The following GABRA3 variants were observed in gnomAD, a reference collection of about 807,000 sequenced individuals.
GABRA3 encodes the protein gamma-aminobutyric acid type A receptor subunit alpha3.
GABRA3 carries 10 observed loss-of-function variants against 30.1 expected under a neutral mutation model. That is an observed-to-expected ratio of 0.33 (90% CI 0.20 to 0.56). The LOEUF (loss-of-function observed/expected upper bound fraction) is 0.56, where lower values mean the gene tolerates loss of function less well. GABRA3 is among the 20% of genes least tolerant of loss of function. GABRA3 has a pLI of 0.89. For missense variants in GABRA3, 233 were observed against 392.0 expected (o/e 0.59, Z 3.42); for synonymous variants, 151 against 146.8 (o/e 1.03, Z -0.21).
intron 3 of GABRA3, among the ~76,000 whole-genome samples, chrX:152,343,555 T>C (rs1348534324): frequency 9.1e-6 from 1 of 110,164 alleles, no homozygotes; most frequent in Non-Finnish European, 1.9e-5. Context: ...AAGTTATCCC[T>C]TTCTCCTCCT....
At chrX:152,248,736 G>C (rs1306159555) in intron 5 of GABRA3, among the ~76,000 whole-genome samples, 2 of 111,505 alleles carry the variant, frequency 1.8e-5, no homozygotes, top group African/African-American at 6.5e-5. Context: ...GGAGTAATAA[G>C]TTCAAGTGAT....
intron 1 of GABRA3, among the ~76,000 whole-genome samples, chrX:152,417,196 C>T (rs1225176317): frequency 9.5e-6 from 1 of 105,502 alleles, no homozygotes; most frequent in Non-Finnish European, 1.9e-5. Flanking sequence ...ACAAACAACT[C>T]CATCAAAAAG....
intron 1 of GABRA3, among the ~76,000 whole-genome samples, chrX:152,368,701 C>CTTTTTTTTTTTTTTTT (rs59912352): frequency 6.1e-5 from 3 of 49,562 alleles, no homozygotes; most frequent in African/African-American, 8.2e-5. Flanking sequence ...AATTTTTTTT[C>CTTTTTTTTTTTTTTTT]TTTTTTTTTT....
At chrX:152,335,788 T>C (rs1401509768) in intron 3 of GABRA3, among the ~76,000 whole-genome samples, 1 of 110,896 alleles carries the variant, frequency 9.0e-6, no homozygotes, top group Non-Finnish European at 1.9e-5. Context: ...AGTGGCACAG[T>C]TATGGCTCAC....
chrX:152,191,223 T>A (rs1442549534), intron 8 of GABRA3, among the ~76,000 whole-genome samples: 1 of 110,881 alleles, frequency 9.0e-6, no homozygotes, highest in Non-Finnish European at 1.9e-5. Flanking sequence ...ATAATTATAA[T>A]AGTATAAGTA....
chrX:152,286,390 A>C (rs1191619330), intron 3 of GABRA3, among the ~76,000 whole-genome samples: 1 of 109,901 alleles, frequency 9.1e-6, no homozygotes, highest in African/African-American at 3.3e-5. Flanking sequence ...CAGACACCTC[A>C]AGATTACAGT....
chrX:152,219,872 T>C (rs1937799643), intron 6 of GABRA3, among the ~76,000 whole-genome samples: 1 of 108,699 alleles, frequency 9.2e-6, no homozygotes, highest in South Asian at 3.8e-4. Context: ...GTTCTTCTAA[T>C]ACATAACAAG....
At chrX:152,262,757 A>T (rs1439261476) in intron 4 of GABRA3, among the ~76,000 whole-genome samples, 1 of 111,079 alleles carries the variant, frequency 9.0e-6, no homozygotes, top group Non-Finnish European at 1.9e-5. Flanking sequence ...TTCTTCTGAG[A>T]CCTCCAAACT....
At chrX:152,349,401 C>T (rs989430832) in intron 2 of GABRA3, among the ~76,000 whole-genome samples, 1 of 108,790 alleles carries the variant, frequency 9.2e-6, no homozygotes, top group African/African-American at 3.4e-5. Context: ...CATCAACTAA[C>T]GAGCAAAATA....
At chrX:152,213,723 A>C (rs994423) in intron 6 of GABRA3, among the ~76,000 whole-genome samples, 29,693 of 110,660 alleles carry the variant, frequency 0.27, 3,408 homozygotes, top group African/African-American at 0.42. Context: ...AATACAGGAT[A>C]TAAACCAAGA....
chrX:152,303,830 G>T, intron 3 of GABRA3, among the ~76,000 whole-genome samples: 1 of 110,351 alleles, frequency 9.1e-6, no homozygotes, highest in Non-Finnish European at 1.9e-5. Context: ...GGCCAACGGG[G>T]GGAGAGCATT....
At chrX:152,219,599 C>T (rs775142487) in intron 6 of GABRA3, among the ~76,000 whole-genome samples, 1 of 111,383 alleles carries the variant, frequency 9.0e-6, no homozygotes, top group East Asian at 2.8e-4. Context: ...AACACTGTCA[C>T]ACTGAGTTAA....
At chrX:152,249,942 ATAGTACTC>A (rs953063580) in intron 5 of GABRA3, among the ~76,000 whole-genome samples, 2 of 111,316 alleles carry the variant, frequency 1.8e-5, no homozygotes, top group African/African-American at 3.3e-5. Context: ...AGATGCTCCC[ATAGTACTC>A]TCTCTTTCCC....
At chrX:152,181,857 T>C (rs912460059) in intron 9 of GABRA3, among the ~76,000 whole-genome samples, 2 of 111,150 alleles carry the variant, frequency 1.8e-5, no homozygotes, top group African/African-American at 3.3e-5. Context: ...GCCATCCATA[T>C]GCAGGGAAAA....
chrX:152,286,977 C>T (rs1217187704), intron 3 of GABRA3, among the ~76,000 whole-genome samples: 1 of 111,344 alleles, frequency 9.0e-6, no homozygotes, highest in Non-Finnish European at 1.9e-5. Flanking sequence ...AGAATATGCT[C>T]CCTTAAGGTT....
intron 6 of GABRA3, among the ~76,000 whole-genome samples, chrX:152,220,862 C>T (rs1229233183): frequency 3.6e-5 from 4 of 109,620 alleles, no homozygotes; most frequent in Non-Finnish European, 7.6e-5. Flanking sequence ...TGTGCATGTG[C>T]GTGTGTGTGC....
intron 5 of GABRA3, among the ~76,000 whole-genome samples, chrX:152,251,881 T>C (rs747980475): frequency 6.2e-4 from 69 of 111,009 alleles, no homozygotes; most frequent in African/African-American, 2.2e-3. Context: ...TCAACATTTA[T>C]ATATAACCTC....
At chrX:152,329,185 C>G (rs778922638) in intron 3 of GABRA3, among the ~76,000 whole-genome samples, 2 of 111,425 alleles carry the variant, frequency 1.8e-5, no homozygotes, top group African/African-American at 6.5e-5. Flanking sequence ...CACTGCTCAA[C>G]GAAATAAAAG....
intron 3 of GABRA3, among the ~76,000 whole-genome samples, chrX:152,313,723 A>G (rs928735841): frequency 1.3e-4 from 14 of 111,897 alleles, no homozygotes; most frequent in Non-Finnish European, 3.8e-5. Context: ...TTATGCTAAA[A>G]CCACATCCTT....
Sources: allele counts gnomAD v4.1 joint callset (sites outside exome capture counted in the v4.1 genomes callset), GRCh38; gene constraint gnomAD v4.1.1; transcripts MANE v1.5; gene names NCBI Gene and HGNC (gene_info 2026-07-23, HGNC 2026-07-21).